The following ATAD2 variants were observed in gnomAD, a reference collection of about 807,000 sequenced individuals.
The protein encoded by ATAD2 is ATPase family AAA domain containing 2.
A neutral mutation model predicts 168.9 loss-of-function variants in ATAD2; 62 were observed. The observed-to-expected ratio is 0.37, with a 90% CI of 0.30 to 0.45. The LOEUF (loss-of-function observed/expected upper bound fraction) is 0.45, where lower values mean the gene tolerates loss of function less well. Among genes scored for constraint, ATAD2 ranks in the 20% least tolerant of loss-of-function variants. The probability of loss-of-function intolerance (pLI) is 1.00; values close to 1 mark genes in which losing one functional copy is unlikely to be tolerated. For synonymous variants in ATAD2, 613 were observed against 571.6 expected, an observed-to-expected ratio of 1.07 and a Z score of -1.03; for missense variants, 1,419 against 1,667.8, an observed-to-expected ratio of 0.85 and a Z score of 2.60.
At chr8:123,345,388 G>A (rs550219693) in intron 18 of ATAD2, among the ~76,000 whole-genome samples, 5 of 152,020 alleles carry the variant, frequency 3.3e-5, no homozygotes, top group African/African-American at 4.8e-5. Flanking sequence ...ATAGCCAGGC[G>A]CGGTGGCTCA....
At chr8:123,339,152 C>G (rs1827998943) in intron 20 of ATAD2, among the ~76,000 whole-genome samples, 159 bp downstream of exon 20, 2 of 152,136 alleles carry the variant, frequency 1.3e-5, no homozygotes, top group Non-Finnish European at 2.9e-5. Context: ...GAACTTTAGT[C>G]TGTTTTAATG....
At chr8:123,331,506 C>T (rs1827773306) in intron 24 of ATAD2, among the ~76,000 whole-genome samples, 1 of 151,110 alleles carries the variant, frequency 6.6e-6, no homozygotes, top group African/African-American at 2.4e-5. Context: ...TCCCAAAGTG[C>T]TGGGTTTACA....
At chr8:123,381,690 G>A (rs1422938337) in intron 1 of ATAD2, among the ~76,000 whole-genome samples, 1 of 152,070 alleles carries the variant, frequency 6.6e-6, no homozygotes, top group Non-Finnish European at 1.5e-5. Context: ...AGATCATATA[G>A]AGTATTTTCA....
At chr8:123,386,953 G>C (rs376823054) in intron 1 of ATAD2, among the ~76,000 whole-genome samples, 1 of 150,682 alleles carries the variant, frequency 6.6e-6, no homozygotes, top group African/African-American at 2.4e-5. Context: ...TCTATATAGA[G>C]TATACACTAA....
upstream of ATAD2, chr8:123,400,802 G>A (rs1812985932): frequency 1.1e-6 from 1 of 945,986 alleles, no homozygotes; most frequent in Non-Finnish European, 1.7e-6. The surrounding 1 kb of genome is among the most constrained non-coding windows in gnomAD (Gnocchi z 4.5). Context: ...GTGACAGAGG[G>A]CAACATGGCC....
At chr8:123,412,884 A>T (rs1279824583) in intron 1 of ATAD2, among the ~76,000 whole-genome samples, 4 of 152,046 alleles carry the variant, frequency 2.6e-5, no homozygotes, top group Non-Finnish European at 4.4e-5. Flanking sequence ...CCCCCCATTA[A>T]AATGCCTGCT....
At chr8:123,372,822 G>T in intron 2 of ATAD2, 136 bp from the exon 3 acceptor site, 1 of 621,172 alleles carries the variant, frequency 1.6e-6, no homozygotes, top group Non-Finnish European at 2.5e-6. Context: ...CAAACTGCTG[G>T]GCTCAAGCAA....
At chr8:123,368,350 AGAGGTT>A in intron 8 of ATAD2, among the ~76,000 whole-genome samples, 1 of 152,114 alleles carries the variant, frequency 6.6e-6, no homozygotes, top group South Asian at 2.1e-4. Context: ...CCCAGGAGGC[AGAGGTT>A]GCAGTAAGCC....
intron 7 of ATAD2, 23 bp downstream of exon 7, chr8:123,369,798 G>C (rs747683020): frequency 1.3e-6 from 2 of 1,552,242 alleles, no homozygotes; most frequent in African/African-American, 1.4e-5. Context: ...ACATCTCCTG[G>C]AAAGAGTATG....
At chr8:123,338,155 G>A (rs1359857634) in intron 20 of ATAD2, among the ~76,000 whole-genome samples, 1 of 152,122 alleles carries the variant, frequency 6.6e-6, no homozygotes, top group African/African-American at 2.4e-5. Flanking sequence ...AGGAGATCGA[G>A]ACCACCCTGG....
At position 123,347,167 on chromosome 8, in the gene ATAD2, C is replaced by G. The variant is rs1336336896; in HGVS notation, c.2137G>C (p.Val713Leu). 1.7e-5 allele frequency: 27 copies of G among 1,614,090 alleles called. No individual in the cohort carries two copies. Among genetic ancestry groups the G allele is most frequent in the Non-Finnish European group, 2.3e-5 (27 of 1,180,038 alleles). The part of the protein sequence containing the change: ...TVVKPLLQNT[V>L]DKILEALQRV... Reference sequence around the variant, plus strand: ...TGCAGGGCTTCTAAAATCTTGTCAACAGTGTTTTGCAGGAGTGGTTTCACA... The same window carrying G: ...TGCAGGGCTTCTAAAATCTTGTCAAGAGTGTTTTGCAGGAGTGGTTTCACA... Residue 713 changes from valine to leucine, a missense_variant, in exon 16 of 28, where the codon GTT (valine) becomes CTT (leucine). Around this residue, in one of 5 missense-constraint regions of ATAD2, gnomAD observed 545 missense variants for 724.9 expected, o/e 0.75. Transcript: ENST00000287394.
At chr8:123,323,641 T>C (rs1827533157) in intron 26 of ATAD2, among the ~76,000 whole-genome samples, 1 of 152,158 alleles carries the variant, frequency 6.6e-6, no homozygotes, top group South Asian at 2.1e-4. Context: ...CCATTATAGT[T>C]AAGTAAAAAC....
exon 1 of ATAD2, chr8:123,416,304 G>A (rs1021098990): frequency 2.6e-5 from 4 of 153,242 alleles, no homozygotes; most frequent in South Asian, 1.9e-4. Flanking sequence ...TCCCCGCGGA[G>A]ATTCACAGCA....
At chr8:123,347,970 C>A in intron 15 of ATAD2, 1 of 596,336 alleles carries the variant, frequency 1.7e-6, no homozygotes, top group Non-Finnish European at 3.0e-6. Context: ...CTATTTAATA[C>A]CAAGACTTCA....
chr8:123,375,527 G>A (rs1332050316), intron 2 of ATAD2, among the ~76,000 whole-genome samples: 1 of 152,040 alleles, frequency 6.6e-6, no homozygotes, highest in Non-Finnish European at 1.5e-5. Flanking sequence ...ATACCCAAAA[G>A]AACTAACACC....
rs764733996 is a variant in ATAD2, at chr8:123,321,119, G to A, written c.*15C>T. 3.7e-6 allele frequency: 6 copies of A among 1,606,528 alleles called. No individual in the cohort carries two copies. The highest frequency in any genetic ancestry group is 2.2e-5 in the South Asian group (2 of 89,730). ...TAGGAACTGAATATAAAGAATACTC[G>A]ATACCATGACATCATCATCTGGAAC... On this transcript the variant is annotated 3_prime_UTR_variant, in exon 28 of 28. Coordinates refer to ENST00000287394, the MANE Select transcript of ATAD2 (RefSeq NM_014109.4).
At chr8:123,322,053 TC>T (rs1175560837) in intron 27 of ATAD2, among the ~76,000 whole-genome samples, 2 of 150,986 alleles carry the variant, frequency 1.3e-5, no homozygotes, top group African/African-American at 4.9e-5. Flanking sequence ...AGTAGCTTGA[TC>T]TTGGCTCACT....
At chr8:123,326,846 T>C (rs1231733463) in intron 25 of ATAD2, among the ~76,000 whole-genome samples, 1 of 152,186 alleles carries the variant, frequency 6.6e-6, no homozygotes, top group Non-Finnish European at 1.5e-5. Context: ...TGATCCATGA[T>C]TTAGAACAAT....
At chr8:123,399,037 C>G (rs927535104), upstream of ATAD2, among the ~76,000 whole-genome samples, 5 of 151,538 alleles carry the variant, frequency 3.3e-5, no homozygotes, top group Admixed American at 2.6e-4. Context: ...CCGAGGTGGG[C>G]AGATCACGAG....
Sources: allele counts gnomAD v4.1 joint callset (sites outside exome capture counted in the v4.1 genomes callset), GRCh38; gene constraint gnomAD v4.1.1; regional missense constraint gnomAD v4.1.1; non-coding constraint Gnocchi (gnomAD v3.1); transcripts MANE v1.5; gene names NCBI Gene and HGNC (gene_info 2026-07-23, HGNC 2026-07-21).